The following SGCZ variants were observed in gnomAD, a reference collection of about 807,000 sequenced individuals.
SGCZ encodes sarcoglycan zeta, also known as zeta-sarcoglycan.
Under a neutral mutation model 41.3 loss-of-function variants are expected in SGCZ, and 40 were observed. The observed-to-expected ratio is 0.97, with a 90% CI of 0.75 to 1.26. SGCZ has a LOEUF of 1.26. Among genes scored for constraint, SGCZ ranks in the 50% most tolerant of loss-of-function variants. The pLI is 0.00. For missense variants in SGCZ, 552 were observed against 369.8 expected, an observed-to-expected ratio of 1.49 and a Z score of -4.04; for synonymous variants, 206 against 137.5, an observed-to-expected ratio of 1.50 and a Z score of -3.49.
intron 4 of SGCZ, among the ~76,000 whole-genome samples, chr8:14,177,789 G>A (rs1179230612): frequency 6.7e-6 from 1 of 150,344 alleles, no homozygotes; most frequent in Non-Finnish European, 1.5e-5. Flanking sequence ...CTCCCAAAGT[G>A]CTGGGATTAC....
chr8:14,980,881 T>A (rs1284130920), intron 1 of SGCZ, among the ~76,000 whole-genome samples: 1 of 150,730 alleles, frequency 6.6e-6, no homozygotes, highest in East Asian at 1.9e-4. Context: ...TATCCATGCA[T>A]ACTTGTGCTA....
chr8:14,188,797 GTT>G (rs765052122), intron 4 of SGCZ, among the ~76,000 whole-genome samples: 1 of 134,200 alleles, frequency 7.5e-6, no homozygotes, highest in South Asian at 2.5e-4. Context: ...CAGATTTCTT[GTT>G]TTTTTTTTGT....
At chr8:14,452,626 TG>T (rs1297114915) in intron 2 of SGCZ, among the ~76,000 whole-genome samples, 2 of 152,146 alleles carry the variant, frequency 1.3e-5, no homozygotes, top group Non-Finnish European at 2.9e-5. Context: ...TGATGTTCCA[TG>T]GCATGTTCAC....
chr8:14,883,778 T>G (rs895828791), intron 1 of SGCZ, among the ~76,000 whole-genome samples: 27 of 106,348 alleles, frequency 2.5e-4, no homozygotes, highest in East Asian at 2.2e-4. Flanking sequence ...ATCCTGTTGT[T>G]TTTTTTTTTT....
intron 1 of SGCZ, among the ~76,000 whole-genome samples, chr8:14,709,984 C>A (rs1394996272): frequency 6.6e-6 from 1 of 152,168 alleles, no homozygotes; most frequent in African/African-American, 2.4e-5. Context: ...AAACCAGGTG[C>A]TAAGCACATT....
At chr8:14,261,807 C>T (rs1799677497) in intron 3 of SGCZ, among the ~76,000 whole-genome samples, 1 of 152,106 alleles carries the variant, frequency 6.6e-6, no homozygotes, top group African/African-American at 2.4e-5. Context: ...TGGACTAACT[C>T]TTTAGGATAT....
chr8:14,651,280 G>T (rs181629757), intron 1 of SGCZ, among the ~76,000 whole-genome samples: 2 of 151,988 alleles, frequency 1.3e-5, no homozygotes, highest in African/African-American at 4.8e-5. Context: ...GAAACATTAA[G>T]AGGGCATTTT....
rs1412186009 is a variant in SGCZ, at chr8:14,154,545, TTTTA to T, written c.547+10031_547+10034del. 1.5e-4 allele frequency among the ~76,000 whole-genome samples: 23 copies of T among 152,174 alleles called. No individual in the cohort carries two copies. The East Asian group carries it at 4.1e-3, about 27-fold the overall frequency. Reference sequence around the variant, plus strand: ...GGTTTATTAATAATTTTGTTGCAAATTTTATTTTTGTTTGAAACAATTTTAAACC... The same window carrying T: ...GGTTTATTAATAATTTTGTTGCAAATTTTTTGTTTGAAACAATTTTAAACC... On this transcript the variant is annotated intron_variant, in intron 5 of 7. Coordinates refer to ENST00000382080, the MANE Select transcript of SGCZ (RefSeq NM_139167.4).
intron 1 of SGCZ, among the ~76,000 whole-genome samples, chr8:14,573,384 T>C (rs1202752324): frequency 6.6e-6 from 1 of 151,852 alleles, no homozygotes; most frequent in Non-Finnish European, 1.5e-5. Context: ...GTATTTTTAG[T>C]AGAGACGGGG....
intron 5 of SGCZ, among the ~76,000 whole-genome samples, chr8:14,109,499 A>G (rs1802310265): frequency 6.6e-6 from 1 of 152,088 alleles, no homozygotes; most frequent in East Asian, 1.9e-4. Flanking sequence ...TGCTTTAAGA[A>G]CCTCATACCT....
intron 1 of SGCZ, among the ~76,000 whole-genome samples, chr8:14,632,953 T>C (rs1585140796): frequency 6.6e-6 from 1 of 151,962 alleles, no homozygotes; most frequent in South Asian, 2.1e-4. Flanking sequence ...ATATGAAAAC[T>C]TTTTGCTTGT....
intron 1 of SGCZ, among the ~76,000 whole-genome samples, chr8:14,898,295 G>A (rs1480781716): frequency 6.6e-6 from 1 of 152,112 alleles, no homozygotes; most frequent in Non-Finnish European, 1.5e-5. Context: ...AAAGATCCAG[G>A]CAAAGAGTGA....
chr8:14,886,657 T>A (rs1804817833), intron 1 of SGCZ, among the ~76,000 whole-genome samples: 1 of 151,986 alleles, frequency 6.6e-6, no homozygotes, highest in Non-Finnish European at 1.5e-5. Flanking sequence ...AAGAAAGAGA[T>A]GAGATCAGAC....
intron 1 of SGCZ, among the ~76,000 whole-genome samples, chr8:14,973,745 T>G (rs1052834514): frequency 6.6e-6 from 1 of 152,206 alleles, no homozygotes; most frequent in African/African-American, 2.4e-5. Context: ...TAAAGGGTAT[T>G]TTTATCTGAA....
intron 1 of SGCZ, among the ~76,000 whole-genome samples, chr8:14,573,670 A>G (rs1282633501): frequency 6.6e-6 from 1 of 152,040 alleles, no homozygotes; most frequent in African/African-American, 2.4e-5. Context: ...CTGGTTCCCA[A>G]TTTCCAGCAT....
rs1016892400 is a variant in SGCZ, at chr8:14,411,113, G to A, written c.235-86909C>T. The stretch of plus-strand genomic sequence containing the variant: ...TATGAAATTAAAATATCATTATGGC[G>A]CCAACCAATGCGTTTTGTTTCTGCT... On this transcript the variant is annotated intron_variant, in intron 2 of 7. Transcript: ENST00000382080. 7.2e-5 allele frequency among the ~76,000 whole-genome samples: 11 copies of A among 151,954 alleles called. No individual in the cohort carries two copies. The South Asian group carries it at 1.0e-3, about 14-fold the overall frequency.
chr8:14,240,938 A>T (rs1211680339), intron 3 of SGCZ, among the ~76,000 whole-genome samples: 1 of 152,216 alleles, frequency 6.6e-6, no homozygotes, highest in Non-Finnish European at 1.5e-5. Context: ...AGGGAGATAC[A>T]ATCCTAAGCA....
intron 7 of SGCZ, among the ~76,000 whole-genome samples, chr8:14,094,870 A>T (rs893124739): frequency 2.0e-5 from 3 of 152,112 alleles, no homozygotes; most frequent in African/African-American, 7.2e-5. Context: ...TTTGATTTGC[A>T]TTTCTCTAAT....
At chr8:14,634,332 A>T (rs1421824865) in intron 1 of SGCZ, among the ~76,000 whole-genome samples, 1 of 151,720 alleles carries the variant, frequency 6.6e-6, no homozygotes, top group Non-Finnish European at 1.5e-5. Flanking sequence ...TTTTAAAGGG[A>T]TACTGGTTTC....
Sources: gnomAD v4.1 joint callset for allele counts (sites outside exome capture counted in the v4.1 genomes callset) on GRCh38, gnomAD v4.1.1 for gene constraint, MANE v1.5 for transcripts, NCBI Gene and HGNC (gene_info 2026-07-23, HGNC 2026-07-21) for gene names.